The following TAOK3 variants were observed in gnomAD, a reference collection of about 807,000 sequenced individuals.
TAOK3 encodes serine/threonine-protein kinase TAO3.
TAOK3 carries 40 observed loss-of-function variants against 120.4 expected under a neutral mutation model. That is an observed-to-expected ratio of 0.33 (90% CI 0.26 to 0.43). The LOEUF (loss-of-function observed/expected upper bound fraction) is 0.43, where lower values mean the gene tolerates loss of function less well. Among genes scored for constraint, TAOK3 ranks in the 20% least tolerant of loss-of-function variants. The pLI, the probability that TAOK3 is intolerant of heterozygous loss-of-function variation, is 1.00. For missense variants in TAOK3, 821 were observed against 1,112.1 expected (o/e 0.74, Z 3.72); for synonymous variants, 355 against 387.5 (o/e 0.92, Z 0.99).
chr12:118,223,145 C>T (rs919940221), intron 9 of TAOK3, among the ~76,000 whole-genome samples: 1 of 148,604 alleles, frequency 6.7e-6, no homozygotes, highest in Admixed American at 6.8e-5. Context: ...TCTCGGCTCA[C>T]TGCAAGCTCT....
chr12:118,283,256 A>T (rs1352363896), intron 1 of TAOK3, among the ~76,000 whole-genome samples: 3 of 152,256 alleles, frequency 2.0e-5, no homozygotes, highest in Non-Finnish European at 4.4e-5. Flanking sequence ...TATATAACAC[A>T]TAAAATATGT....
At chr12:118,356,216 C>T (rs1233619365) in intron 1 of TAOK3, among the ~76,000 whole-genome samples, 1 of 152,056 alleles carries the variant, frequency 6.6e-6, no homozygotes, top group Admixed American at 6.6e-5. Context: ...CTGTCCCCTC[C>T]CCTCTTTTAG....
intron 19 of TAOK3, among the ~76,000 whole-genome samples, chr12:118,153,638 A>G (rs191784859): frequency 2.0e-4 from 30 of 152,262 alleles, no homozygotes; most frequent in African/African-American, 7.2e-4. Flanking sequence ...GGTTTGGTCC[A>G]ATTTTGGCAG....
At chr12:118,294,710 T>C (rs919484438) in intron 1 of TAOK3, among the ~76,000 whole-genome samples, 9 of 152,254 alleles carry the variant, frequency 5.9e-5, no homozygotes, top group African/African-American at 1.9e-4. Context: ...GCATACACTA[T>C]ATAAACTTTT....
chr12:118,256,173 CA>C (rs2040979936), intron 2 of TAOK3: 2 of 151,792 alleles, frequency 1.3e-5, no homozygotes, highest in South Asian at 4.2e-4. Flanking sequence ...AGAAGATCCT[CA>C]AACATCATTA....
intron 3 of TAOK3, among the ~76,000 whole-genome samples, chr12:118,251,520 C>A (rs1481132987): frequency 6.6e-6 from 1 of 152,162 alleles, no homozygotes; most frequent in Non-Finnish European, 1.5e-5. Context: ...CTACCTGTAT[C>A]ATTTCTCTAG....
At chr12:118,346,725 G>A (rs1019666067) in intron 1 of TAOK3, among the ~76,000 whole-genome samples, 1 of 152,162 alleles carries the variant, frequency 6.6e-6, no homozygotes, top group African/African-American at 2.4e-5. Context: ...GCAAAGATAT[G>A]TTCAATGCAT....
rs757871192 is a variant in TAOK3 at position 118,238,159 on chromosome 12, T to C, written c.351A>G (p.Lys117=). The C allele has an allele frequency of 3.2e-5, 52 of 1,607,772 alleles. 1 individual carries two copies. In the Admixed American group the frequency reaches 7.9e-4, roughly 24 times the overall value. ...CAGCGATCTCCACTTCCTGAAGTGG[T>C]TTTTTATGAACTGAGGAAGGAAAAA... The part of the protein sequence containing the change: ...SASDLLEVHK[K]PLQEVEIAAI... Residue 117 remains lysine, a synonymous_variant, in exon 7 of 21, where the codon AAA becomes AAG. Transcript: ENST00000392533.
intron 9 of TAOK3, among the ~76,000 whole-genome samples, chr12:118,225,335 A>G (rs1437824489): frequency 1.3e-5 from 2 of 151,916 alleles, no homozygotes; most frequent in Non-Finnish European, 2.9e-5. Context: ...AACATACAGA[A>G]AATAGCAAAA....
At chr12:118,164,575 G>A (rs1308277928) in intron 17 of TAOK3, among the ~76,000 whole-genome samples, 7 of 151,792 alleles carry the variant, frequency 4.6e-5, no homozygotes, top group East Asian at 2.0e-4. Flanking sequence ...CCACCACCAC[G>A]CCTGGCTAAT....
intron 2 of TAOK3, among the ~76,000 whole-genome samples, chr12:118,259,257 T>C (rs1593325719): frequency 6.6e-6 from 1 of 152,092 alleles, no homozygotes; most frequent in Non-Finnish European, 1.5e-5. Flanking sequence ...ATTAAAACAC[T>C]GGACAAGGCC....
chr12:118,224,820 TA>T (rs1392368330), intron 9 of TAOK3, among the ~76,000 whole-genome samples: 2 of 152,042 alleles, frequency 1.3e-5, no homozygotes, highest in Non-Finnish European at 2.9e-5. Flanking sequence ...AGGGTGTTTT[TA>T]AAAAAATATA....
chr12:118,226,869 C>T (rs1455181541), intron 9 of TAOK3, among the ~76,000 whole-genome samples: 1 of 152,128 alleles, frequency 6.6e-6, no homozygotes, highest in Non-Finnish European at 1.5e-5. Context: ...AGAGGAAGCA[C>T]TAAGGTATCT....
intron 11 of TAOK3, among the ~76,000 whole-genome samples, chr12:118,202,677 A>G (rs910136094): frequency 6.6e-6 from 1 of 152,140 alleles, no homozygotes; most frequent in African/African-American, 2.4e-5. Context: ...TAAGTAATAA[A>G]AAAATCACTA....
intron 15 of TAOK3, among the ~76,000 whole-genome samples, chr12:118,178,989 T>A (rs2036524226): frequency 6.6e-6 from 1 of 152,206 alleles, no homozygotes; most frequent in Non-Finnish European, 1.5e-5. Flanking sequence ...CTTTTTCACC[T>A]GCAACTTCCA....
rs1371243569 is a variant in TAOK3 at position 118,161,675 on chromosome 12, T to C, written c.2139+113A>G. ...TTTGCAACTGGAGATTCTGATACAA[T>C]AGGTGTGGGGTGCAGAAATTTGTGA... On this transcript the variant is annotated intron_variant, in intron 18 of 20. Coordinates refer to ENST00000392533, the MANE Select transcript of TAOK3 (RefSeq NM_016281.4). This position sits in a 1 kb window ranked among gnomAD's most constrained non-coding sequence, Gnocchi z 4.5. 59 of 1,339,962 alleles carry C rather than the reference T, an allele frequency of 4.4e-5. 1 individual carries two copies. The highest frequency in any genetic ancestry group is 9.3e-6 in the Non-Finnish European group (9 of 964,608). The allele number at this position is 1,339,962 out of a possible 1,614,324, so 83.0% of individuals were successfully genotyped here. A position where few individuals can be genotyped will look rare whatever the true frequency, so the allele number is the denominator to read the frequency against.
At chr12:118,272,049 T>G (rs996208131) in intron 1 of TAOK3, among the ~76,000 whole-genome samples, 6 of 152,220 alleles carry the variant, frequency 3.9e-5, no homozygotes, top group Non-Finnish European at 5.9e-5. Flanking sequence ...TGAAATAATT[T>G]TCTTCGCAAA....
intron 17 of TAOK3, among the ~76,000 whole-genome samples, chr12:118,166,847 TAC>T (rs200569755): frequency 0.12 from 16,114 of 135,302 alleles, 1,025 homozygotes; most frequent in Middle Eastern, 0.17. Flanking sequence ...CACACACACA[TAC>T]ACACACACAC....
intron 13 of TAOK3, among the ~76,000 whole-genome samples, chr12:118,191,629 TTATTCTACATGATTTCTCGCGAAATTTG>T (rs1161359730): frequency 6.6e-6 from 1 of 152,188 alleles, no homozygotes; most frequent in East Asian, 1.9e-4. Context: ...TCAGTTAAAA[TTATTCTACATGATTTCTCGCGAAATTTG>T]AACTCCTGTT....
Sources: gnomAD v4.1 joint callset for allele counts (sites outside exome capture counted in the v4.1 genomes callset) on GRCh38, gnomAD v4.1.1 for gene constraint, Gnocchi (gnomAD v3.1) non-coding constraint, MANE v1.5 for transcripts, NCBI Gene and HGNC (gene_info 2026-07-23, HGNC 2026-07-21) for gene names.